The following SMG6 variants were observed in gnomAD, a reference collection of about 807,000 sequenced individuals.
SMG6 encodes SMG6 nonsense mediated mRNA decay factor.
A neutral mutation model predicts 142.2 loss-of-function variants in SMG6; 66 were observed. The observed-to-expected ratio is 0.46, with a 90% CI of 0.38 to 0.57. The LOEUF is 0.57. SMG6 is among the 20% of genes least tolerant of loss of function. The probability of loss-of-function intolerance (pLI) is 0.00; values close to 1 mark genes in which losing one functional copy is unlikely to be tolerated. For synonymous variants in SMG6, 779 were observed against 702.4 expected, an observed-to-expected ratio of 1.11 and a Z score of -1.72; for missense variants, 1,793 against 1,832.0, an observed-to-expected ratio of 0.98 and a Z score of 0.39.
chr17:2,157,565 G>C lies in SMG6; in HGVS notation c.3357+15093C>G, dbSNP rs1393631215. Reference sequence around the variant, plus strand: ...GCTTACTAAGTACCACCCAACATGAGTATGACTGAGCAGGCCAAAGGGAAG... The same window carrying C: ...GCTTACTAAGTACCACCCAACATGACTATGACTGAGCAGGCCAAAGGGAAG... On this transcript the variant is annotated intron_variant, in intron 13 of 18. Coordinates refer to ENST00000263073, the MANE Select transcript of SMG6 (RefSeq NM_017575.5). Among the ~76,000 whole-genome samples, 5 of 152,286 alleles carry C rather than the reference G, an allele frequency of 3.3e-5. No homozygotes were observed. In the East Asian group the frequency reaches 7.7e-4, roughly 24 times the overall value.
At chr17:2,204,413 C>T (rs551215712) in intron 10 of SMG6, among the ~76,000 whole-genome samples, 1 of 152,212 alleles carries the variant, frequency 6.6e-6, no homozygotes, top group Non-Finnish European at 1.5e-5. Context: ...AGAAACTCAT[C>T]CCAAAATGGT....
intron 13 of SMG6, among the ~76,000 whole-genome samples, chr17:2,103,151 C>T (rs1426409336): frequency 6.6e-6 from 1 of 152,132 alleles, no homozygotes; most frequent in Non-Finnish European, 1.5e-5. Flanking sequence ...GGGTGAATGC[C>T]CAGAATTGGG....
intron 8 of SMG6, among the ~76,000 whole-genome samples, chr17:2,272,764 C>G (rs1464621887): frequency 1.3e-5 from 2 of 151,984 alleles, no homozygotes; most frequent in Non-Finnish European, 2.9e-5. Context: ...CGGTGAAACC[C>G]CATCTCTACT....
chr17:2,251,713 G>A (rs545666985), intron 8 of SMG6, among the ~76,000 whole-genome samples: 8 of 152,276 alleles, frequency 5.3e-5, no homozygotes, highest in Admixed American at 5.2e-4. Context: ...AGCTAAATCA[G>A]TAGGCAGCTC....
intron 8 of SMG6, among the ~76,000 whole-genome samples, chr17:2,273,288 G>A (rs538830186): frequency 6.6e-6 from 1 of 152,196 alleles, no homozygotes; most frequent in Non-Finnish European, 1.5e-5. Flanking sequence ...GGCTGAGGTG[G>A]GCGGATCACT....
chr17:2,263,436 G>C (rs2074358285), intron 8 of SMG6, among the ~76,000 whole-genome samples: 1 of 152,144 alleles, frequency 6.6e-6, no homozygotes, highest in South Asian at 2.1e-4. Context: ...TTCTAAGCAT[G>C]AACGACACGG....
rs2068538432 is a variant in SMG6, at chr17:2,085,588, C to CA, written c.3534+136_3534+137insT. On this transcript the variant is annotated intron_variant, in intron 14 of 18. Coordinates refer to ENST00000263073, the MANE Select transcript of SMG6 (RefSeq NM_017575.5). The surrounding 1 kb of genome is among the most constrained non-coding windows in gnomAD (Gnocchi z 4.1). ...GGAAGGGGCACCATCAGAGCACACT[C>CA]TCGAGAAGCTGGCTGGTCACATTAA... 3 of 887,744 alleles carry CA rather than the reference C, an allele frequency of 3.4e-6. No homozygotes were observed. The South Asian group carries it at 5.1e-5, about 15-fold the overall frequency. The allele number at this position is 887,744 out of a possible 1,614,324, so 55.0% of individuals were successfully genotyped here. A position where few individuals can be genotyped will look rare whatever the true frequency, so the allele number is the denominator to read the frequency against.
At chr17:2,142,727 T>A (rs1438273780) in intron 13 of SMG6, among the ~76,000 whole-genome samples, 59 of 142,808 alleles carry the variant, frequency 4.1e-4, no homozygotes, top group East Asian at 1.0e-3. Flanking sequence ...CTACTAAAAA[T>A]AAAAAAAAAA....
intron 13 of SMG6, among the ~76,000 whole-genome samples, chr17:2,146,684 G>A (rs560315666): frequency 6.6e-6 from 1 of 152,200 alleles, no homozygotes; most frequent in South Asian, 2.1e-4. Context: ...GCCCACTTCA[G>A]CCTCCCAGGT....
intron 8 of SMG6, among the ~76,000 whole-genome samples, chr17:2,266,559 G>A (rs1395770771): frequency 1.3e-5 from 2 of 152,154 alleles, no homozygotes; most frequent in Non-Finnish European, 2.9e-5. Flanking sequence ...CTTATGTCAC[G>A]TCTCAACCCC....
At chr17:2,129,129 C>T (rs1012361856) in intron 13 of SMG6, among the ~76,000 whole-genome samples, 4 of 151,996 alleles carry the variant, frequency 2.6e-5, no homozygotes. Context: ...AGGCGGATCG[C>T]TTGAGCCCAG....
At chr17:2,172,116 A>C (rs2071521689) in intron 13 of SMG6, among the ~76,000 whole-genome samples, 1 of 152,210 alleles carries the variant, frequency 6.6e-6, no homozygotes, top group African/African-American at 2.4e-5. Flanking sequence ...AAAAACGTTC[A>C]GGTTAAAACG....
At chr17:2,131,231 TAAAC>T (rs1469772224) in intron 13 of SMG6, among the ~76,000 whole-genome samples, 1 of 151,908 alleles carries the variant, frequency 6.6e-6, no homozygotes, top group Non-Finnish European at 1.5e-5. Context: ...GTGTAATAAA[TAAAC>T]CTGCTATCAT....
In SMG6 at chr17:2,186,841, C is replaced by A. The variant is rs375130911; in HGVS notation, c.2987-10G>T. 3 of 1,613,330 alleles carry A rather than the reference C, an allele frequency of 1.9e-6. No homozygotes were observed. The African/African-American group carries it at 4.0e-5, about 22-fold the overall frequency. ...GGAGAGGACAGCTGAGCTGCAGAGG[C>A]AAAGGGTGAGAACTGGGCCTATGTC... On this transcript the variant is annotated splice_polypyrimidine_tract_variant and intron_variant, in intron 11 of 18. Transcript: ENST00000263073.
At chr17:2,277,146 T>C (rs1005762260) in intron 8 of SMG6, among the ~76,000 whole-genome samples, 1 of 75,030 alleles carries the variant, frequency 1.3e-5, no homozygotes, top group Non-Finnish European at 2.7e-5. Context: ...TATTTATTTA[T>C]TTATTTATTT....
At chr17:2,087,310 G>T in intron 13 of SMG6, 1 of 1,235,024 alleles carries the variant, frequency 8.1e-7, no homozygotes, top group Non-Finnish European at 1.0e-6. Flanking sequence ...TAAGACAGTG[G>T]AAATAAATGA....
chr17:2,123,824 G>A (rs1252084593), intron 13 of SMG6, among the ~76,000 whole-genome samples: 2 of 152,178 alleles, frequency 1.3e-5, no homozygotes, highest in East Asian at 3.8e-4. Flanking sequence ...GGGGGAAGGT[G>A]ACAATTCATT....
chr17:2,294,051 C>A (rs566505875), intron 4 of SMG6, among the ~76,000 whole-genome samples: 46 of 152,264 alleles, frequency 3.0e-4, no homozygotes, highest in Non-Finnish European at 6.2e-4. Context: ...CCACTCCACA[C>A]AAAAGAAATT....
At chr17:2,114,970 GAAATAAAATA>G (rs143639119) in intron 13 of SMG6, among the ~76,000 whole-genome samples, 21 of 117,608 alleles carry the variant, frequency 1.8e-4, no homozygotes, top group African/African-American at 2.5e-4. Context: ...GAAATGAAAT[GAAATAAAATA>G]AAATAAAATA....
Sources: gnomAD v4.1 joint callset for allele counts (sites outside exome capture counted in the v4.1 genomes callset) on GRCh38, gnomAD v4.1.1 for gene constraint, Gnocchi (gnomAD v3.1) non-coding constraint, MANE v1.5 for transcripts, NCBI Gene and HGNC (gene_info 2026-07-23, HGNC 2026-07-21) for gene names.